CTXND2: variants seen among roughly 807,000 people sequenced by gnomAD.
CTXND2 encodes cortexin domain containing 2.
At chr1:150,902,041 G>T (rs879500231) in intron 1 of CTXND2, among the ~76,000 whole-genome samples, 1 of 152,062 alleles carries the variant, frequency 6.6e-6, no homozygotes, top group South Asian at 2.1e-4. Flanking sequence ...CGAGGCAGGC[G>T]GATTACCTGA....
chr1:150,912,537 C>T, exon 2 of CTXND2: 1 of 398,478 alleles, frequency 2.5e-6, no homozygotes, highest in Non-Finnish European at 4.4e-6. Flanking sequence ...ATCTGTTATA[C>T]ACACTTTATA....
At chr1:150,912,184 A>T in intron 1 of CTXND2, 58 bp from the exon 2 acceptor site, 1 of 397,004 alleles carries the variant, frequency 2.5e-6, no homozygotes, top group Non-Finnish European at 4.4e-6. Flanking sequence ...TCACAGTGTT[A>T]TTAAGAAAAC....
intron 1 of CTXND2, among the ~76,000 whole-genome samples, chr1:150,907,161 G>T (rs1669162655): frequency 6.6e-6 from 1 of 152,114 alleles, no homozygotes; most frequent in Non-Finnish European, 1.5e-5. Flanking sequence ...CTGAACTAAG[G>T]TTTTACAAAA....
chr1:150,893,069 G>C (rs1305318961), intron 1 of CTXND2, among the ~76,000 whole-genome samples: 2 of 152,068 alleles, frequency 1.3e-5, no homozygotes, highest in African/African-American at 4.8e-5. Flanking sequence ...TTCCAAACTG[G>C]TCCTAGTCAA....
intron 1 of CTXND2, among the ~76,000 whole-genome samples, chr1:150,891,909 T>A (rs1668855925): frequency 6.6e-6 from 1 of 152,202 alleles, no homozygotes; most frequent in South Asian, 2.1e-4. Context: ...AGCAAATTGC[T>A]TTGGAATTAT....
chr1:150,892,905 T>C (rs767836767), intron 1 of CTXND2, among the ~76,000 whole-genome samples: 7 of 152,130 alleles, frequency 4.6e-5, no homozygotes, highest in Non-Finnish European at 8.8e-5. Context: ...TTGTCAGTTT[T>C]CTCAAAAAAT....
chr1:150,902,395 A>C (rs1669054767), intron 1 of CTXND2, among the ~76,000 whole-genome samples: 1 of 150,098 alleles, frequency 6.7e-6, no homozygotes, highest in South Asian at 2.1e-4. Context: ...CAACAGAGAG[A>C]GACTGCCTCA....
intron 1 of CTXND2, among the ~76,000 whole-genome samples, chr1:150,893,993 T>TA: frequency 6.6e-6 from 1 of 151,966 alleles, no homozygotes; most frequent in East Asian, 1.9e-4. Flanking sequence ...TCTTTTTTTT[T>TA]AACCAGAGAT....
chr1:150,897,478 C>A (rs1394844001), intron 1 of CTXND2, among the ~76,000 whole-genome samples: 4 of 152,172 alleles, frequency 2.6e-5, no homozygotes, highest in South Asian at 2.1e-4. Flanking sequence ...GCATAAGCCA[C>A]CACACCGGCT....
At chr1:150,897,353 G>A (rs12402006) in intron 1 of CTXND2, among the ~76,000 whole-genome samples, 67,132 of 152,086 alleles carry the variant, frequency 0.44, 15,908 homozygotes, top group Non-Finnish European at 0.54. Context: ...CCCAAAAGGG[G>A]TCTCACTGTC....
intron 1 of CTXND2, among the ~76,000 whole-genome samples, chr1:150,900,584 G>A (rs1668997750): frequency 6.6e-6 from 1 of 152,078 alleles, no homozygotes; most frequent in Non-Finnish European, 1.5e-5. Context: ...GGAGGTGGAG[G>A]TTACAGTCAG....
chr1:150,903,991 TCTC>T, intron 1 of CTXND2: 1 of 646,254 alleles, frequency 1.5e-6, no homozygotes, highest in Non-Finnish European at 2.9e-6. Context: ...CTGGGCCTAA[TCTC>T]CATGGTCTCT....
At chr1:150,903,146 C>G (rs934510198) in intron 1 of CTXND2, among the ~76,000 whole-genome samples, 1 of 152,174 alleles carries the variant, frequency 6.6e-6, no homozygotes, top group East Asian at 1.9e-4. Flanking sequence ...TAACCTGATG[C>G]GTCTGTTCTG....
chr1:150,896,880 A>G (rs1042379343), intron 1 of CTXND2, among the ~76,000 whole-genome samples: 3 of 152,228 alleles, frequency 2.0e-5, no homozygotes, highest in African/African-American at 7.2e-5. Flanking sequence ...AATATAATAA[A>G]TTATAGTGAA....
chr1:150,906,697 A>G (rs1289664524), intron 1 of CTXND2, among the ~76,000 whole-genome samples: 2 of 152,154 alleles, frequency 1.3e-5, no homozygotes, highest in African/African-American at 2.4e-5. Flanking sequence ...TTGGCAGAGT[A>G]TGCCTAGGAA....
At chr1:150,888,569 G>A (rs587677380) in intron 1 of CTXND2, among the ~76,000 whole-genome samples, 2 of 151,864 alleles carry the variant, frequency 1.3e-5, no homozygotes, top group African/African-American at 4.8e-5. Context: ...AGACCCCCAT[G>A]TTGTATAAAT....
chr1:150,897,763 A>C (rs770001494), intron 1 of CTXND2, among the ~76,000 whole-genome samples: 1 of 152,232 alleles, frequency 6.6e-6, no homozygotes. Flanking sequence ...AATAATATAT[A>C]TATACACCCA....
intron 1 of CTXND2, among the ~76,000 whole-genome samples, chr1:150,910,567 T>A (rs1310475033): frequency 6.6e-6 from 1 of 152,168 alleles, no homozygotes; most frequent in East Asian, 1.9e-4. Flanking sequence ...TCACCGAATT[T>A]TCTTGGTACC....
intron 1 of CTXND2, among the ~76,000 whole-genome samples, chr1:150,906,277 T>A (rs1669145270): frequency 6.6e-6 from 1 of 151,894 alleles, no homozygotes; most frequent in Non-Finnish European, 1.5e-5. Flanking sequence ...CCAGCCTGGG[T>A]GACAGAGTGA....
Sources: allele counts gnomAD v4.1 joint callset (sites outside exome capture counted in the v4.1 genomes callset), GRCh38; gene constraint gnomAD v4.1.1; transcripts MANE v1.5; gene names NCBI Gene and HGNC (gene_info 2026-07-23, HGNC 2026-07-21).